Variants in HERC2 observed in about 807,000 individuals in gnomAD.
The protein encoded by HERC2 is E3 ubiquitin-protein ligase HERC2.
HERC2 carries 102 observed loss-of-function variants against 537.7 expected under a neutral mutation model. That is an observed-to-expected ratio of 0.19 (90% CI 0.16 to 0.22). HERC2 has a LOEUF of 0.22. Ranked by LOEUF, HERC2 falls within the 10% of genes least tolerant of loss-of-function variation. The pLI, the probability that HERC2 is intolerant of heterozygous loss-of-function variation, is 1.00. For synonymous variants in HERC2, 2,224 were observed against 2,466.2 expected, an observed-to-expected ratio of 0.90 and a Z score of 2.91; for missense variants, 4,236 against 6,198.2, an observed-to-expected ratio of 0.68 and a Z score of 10.63.
At chr15:28,162,840 G>A (rs1375360997) in intron 69 of HERC2, among the ~76,000 whole-genome samples, 1 of 152,184 alleles carries the variant, frequency 6.6e-6, no homozygotes, top group Non-Finnish European at 1.5e-5. Flanking sequence ...GCAGTGAGTC[G>A]AGATGGCGCC....
chr15:28,186,527 C>T, intron 56 of HERC2, 50 bp downstream of exon 56: 1 of 1,478,294 alleles, frequency 6.8e-7, no homozygotes, highest in Non-Finnish European at 9.3e-7. Context: ...AAGTGAGGAT[C>T]CAGGAATGTA....
At chr15:28,244,840 G>C (rs2140781176) in intron 23 of HERC2, among the ~76,000 whole-genome samples, 1 of 152,148 alleles carries the variant, frequency 6.6e-6, no homozygotes, top group South Asian at 2.1e-4. Context: ...GGGGGATGAT[G>C]GTCTAAAACA....
intron 12 of HERC2, among the ~76,000 whole-genome samples, chr15:28,267,230 T>G (rs2140964817): frequency 6.6e-6 from 1 of 152,314 alleles, no homozygotes; most frequent in East Asian, 1.9e-4. Context: ...CCAATGACTC[T>G]ACTCCAGTAC....
At position 28,176,881 on chromosome 15, in the gene HERC2, G is replaced by A. The variant is rs1260818429; in HGVS notation, c.9432+69C>T. 1 of 1,583,014 alleles carries A rather than the reference G, an allele frequency of 6.3e-7. No individual in the cohort carries two copies. Among genetic ancestry groups the A allele is most frequent in the African/African-American group, 1.3e-5 (1 of 74,136 alleles). On this transcript the variant is annotated intron_variant, in intron 61 of 92. Transcript: ENST00000261609. The surrounding 1 kb of genome is among the most constrained non-coding windows in gnomAD (Gnocchi z 5.0). ...CATCTTTATGAACTTTCCTAGACTT[G>A]AAGCTTATTTTCTCTTGACATCTTC... is the stretch of plus-strand genomic sequence containing the variant.
At chr15:28,188,356 C>T (rs571220374) in intron 55 of HERC2, among the ~76,000 whole-genome samples, 12 of 152,102 alleles carry the variant, frequency 7.9e-5, no homozygotes, top group South Asian at 6.2e-4. Flanking sequence ...TCCTCGCTAA[C>T]GGTGAAACCC....
chr15:28,162,066 T>C (rs1893656811), intron 69 of HERC2, among the ~76,000 whole-genome samples: 2 of 152,108 alleles, frequency 1.3e-5, no homozygotes, highest in African/African-American at 4.8e-5. Flanking sequence ...TGGTGGCTCA[T>C]GCCTGTAATC....
intron 48 of HERC2, among the ~76,000 whole-genome samples, chr15:28,199,364 T>C (rs747655389): frequency 7.2e-5 from 11 of 152,068 alleles, no homozygotes; most frequent in Non-Finnish European, 1.6e-4. Context: ...AACATAACAG[T>C]GGAAACATCA....
intron 2 of HERC2, among the ~76,000 whole-genome samples, chr15:28,300,849 A>G (rs2076602649): frequency 7.5e-6 from 1 of 133,622 alleles, no homozygotes; most frequent in Non-Finnish European, 1.5e-5. Context: ...AAAAAAAAAA[A>G]AAAATTAAGG....
chr15:28,143,183 G>A (rs1272932859), intron 74 of HERC2, among the ~76,000 whole-genome samples: 1 of 152,132 alleles, frequency 6.6e-6, no homozygotes, highest in Non-Finnish European at 1.5e-5. Flanking sequence ...CTTGATTTCA[G>A]TACATCCGCT....
chr15:28,130,813 G>A (rs958808291), intron 81 of HERC2, among the ~76,000 whole-genome samples: 4 of 152,194 alleles, frequency 2.6e-5, no homozygotes, highest in African/African-American at 7.2e-5. Flanking sequence ...ACTGTGGCCC[G>A]GTGGGACCCA....
Position 28,198,464 on chromosome 15 carries a change from C to T in HERC2, c.7925G>A (p.Gly2642Asp), listed in dbSNP as rs754756651. 5 of 1,613,856 alleles carry T rather than the reference C, an allele frequency of 3.1e-6. No homozygotes were observed. The highest frequency in any genetic ancestry group is 1.3e-5 in the African/African-American group (1 of 74,884). ...AGAGGCTTTGACCCGCACTTTATCA[C>T]CAATCTTGATGTGAGAAGAAGAACT... ...PPSSSSHIKIGDKVRVKASVT... is the reference protein window; with the variant it reads ...PPSSSSHIKIDDKVRVKASVT... The change falls in exon 50 of 93, where the codon GGT becomes GAT. Residue 2642 changes from glycine (G) to aspartate (D), a missense_variant. Physicochemically the swap from Gly to Asp is moderately conservative, Grantham distance 94. Coordinates refer to ENST00000261609, the MANE Select transcript of HERC2 (RefSeq NM_004667.6).
At chr15:28,183,517 A>G (rs1382787532) in intron 56 of HERC2, among the ~76,000 whole-genome samples, 3 of 152,164 alleles carry the variant, frequency 2.0e-5, no homozygotes, top group African/African-American at 7.2e-5. Flanking sequence ...CCAGCAGGTT[A>G]GAAGTTTAAT....
At position 28,146,279 on chromosome 15, in the gene HERC2, T is replaced by A. The variant is rs548564922; in HGVS notation, c.10966A>T (p.Thr3656Ser). 1.2e-6 allele frequency: 2 copies of A among 1,614,032 alleles called. No individual in the cohort carries two copies. Among genetic ancestry groups the A allele is most frequent in the Non-Finnish European group, 1.7e-6 (2 of 1,179,986 alleles). The change falls in exon 71 of 93, where the codon ACA becomes TCA. Residue 3656 changes from threonine to serine, a missense_variant. Thr to Ser is a moderately conservative substitution (Grantham distance 58, BLOSUM62 1). Transcript: ENST00000261609. ...ATCCTGTTGACGCCGTCCATGACTG[T>A]GAGAGGGTCGTGGCGCCTCTCTGTG... ...CSTERRHDPL[T>S]VMDGVNRIVS...
intron 4 of HERC2, among the ~76,000 whole-genome samples, chr15:28,289,868 G>C (rs545833005): frequency 5.3e-4 from 80 of 152,214 alleles, no homozygotes; most frequent in African/African-American, 1.9e-3. Flanking sequence ...CGCAGTGAAA[G>C]GACGACACAT....
chr15:28,215,983 G>C (rs1372506760), intron 38 of HERC2, among the ~76,000 whole-genome samples, 181 bp from the exon 39 acceptor site: 2 of 151,944 alleles, frequency 1.3e-5, no homozygotes, highest in Non-Finnish European at 2.9e-5. Flanking sequence ...CAGCTTTTAA[G>C]TTAGTTCAAG....
intron 14 of HERC2, 108 bp from the exon 15 acceptor site, chr15:28,263,277 A>G: frequency 8.2e-7 from 1 of 1,226,882 alleles, no homozygotes; most frequent in Non-Finnish European, 1.1e-6. Flanking sequence ...TAGACCACTC[A>G]GGTACATAGT....
chr15:28,187,966 T>G (rs1286176790), intron 55 of HERC2, among the ~76,000 whole-genome samples: 1 of 152,214 alleles, frequency 6.6e-6, no homozygotes, highest in African/African-American at 2.4e-5. Flanking sequence ...ACACTAACAA[T>G]TACTTTTTAT....
In HERC2 at chr15:28,113,043, G is replaced by A. The variant is rs1347129622; in HGVS notation, c.14232+28C>T. ...CCCACCGTCGGCCGACATCAGCCCA[G>A]GGCCGGCAAGCCCAGCCAGGAGCCT... On this transcript the variant is annotated intron_variant, in intron 92 of 92. Coordinates refer to ENST00000261609, the MANE Select transcript of HERC2 (RefSeq NM_004667.6). The surrounding 1 kb of genome is among the most constrained non-coding windows in gnomAD (Gnocchi z 7.0). The A allele has an allele frequency of 1.2e-6, 2 of 1,600,840 alleles. No homozygotes were observed. The highest frequency in any genetic ancestry group is 2.2e-5 in the South Asian group (2 of 90,464).
Position 28,272,404 on chromosome 15 carries a change from T to C in HERC2, c.912-18A>G. 1 of 1,600,370 alleles carries C rather than the reference T, an allele frequency of 6.2e-7. No homozygotes were observed. On this transcript the variant is annotated intron_variant, in intron 8 of 92. Transcript: ENST00000261609. ...ACATTTGGCTAAAGGAGAAAAGATA[T>C]TTATTCTAGTAAAAACAGATTAACT...
Sources: gnomAD v4.1 joint callset for allele counts (sites outside exome capture counted in the v4.1 genomes callset) on GRCh38, gnomAD v4.1.1 for gene constraint, Gnocchi (gnomAD v3.1) non-coding constraint, MANE v1.5 for transcripts, NCBI Gene and HGNC (gene_info 2026-07-23, HGNC 2026-07-21) for gene names.